Variants in FECH observed in about 807,000 individuals in gnomAD.
FECH encodes ferrochelatase, mitochondrial.
In FECH, 40 loss-of-function variants were observed where a neutral mutation model predicts 56.9. The ratio of observed to expected loss-of-function variants is 0.70; its 90% CI spans 0.55 to 0.92. The LOEUF (loss-of-function observed/expected upper bound fraction) is 0.92, where lower values mean the gene tolerates loss of function less well. FECH is among the 40% of genes least tolerant of loss of function. The pLI is 0.00. For missense variants in FECH, 431 were observed against 529.1 expected, an observed-to-expected ratio of 0.81 and a Z score of 1.82; for synonymous variants, 175 against 198.6, an observed-to-expected ratio of 0.88 and a Z score of 1.00.
chr18:57,555,771 C>T (rs2050859701), intron 7 of FECH, among the ~76,000 whole-genome samples: 2 of 152,176 alleles, frequency 1.3e-5, no homozygotes, highest in South Asian at 4.1e-4. Context: ...TTCCCATATC[C>T]TATGATATGG....
chr18:57,585,340 G>A (rs1267215328), intron 1 of FECH, among the ~76,000 whole-genome samples: 2 of 152,120 alleles, frequency 1.3e-5, no homozygotes, highest in South Asian at 2.1e-4. Flanking sequence ...TTCTGCTAGC[G>A]TTTCTGAATC....
Position 57,573,386 on chromosome 18 carries a change from C to T in FECH, c.195-21G>A, listed in dbSNP as rs112653625. ...GCTTCCTATATAAAATAAAATACAA[C>T]GGTTGATTTGTCACACTTCTTATTT... On this transcript the variant is annotated intron_variant, in intron 2 of 10. Transcript: ENST00000262093. The T allele has an allele frequency of 6.2e-4, 997 of 1,613,568 alleles. 8 individuals are homozygous for T. In the African/African-American group the frequency reaches 9.5e-3, roughly 15 times the overall value.
At position 57,547,352 on chromosome 18, in the gene FECH, T is replaced by C. The variant is rs540008235; in HGVS notation, c.*3360A>G. Reference sequence around the variant, plus strand: ...TTCCCCACCCAAATCTCATTTCAAATTGTAATCCCCATAATCCCCACGTGT... The same window carrying C: ...TTCCCCACCCAAATCTCATTTCAAACTGTAATCCCCATAATCCCCACGTGT... On this transcript the variant is annotated 3_prime_UTR_variant, in exon 11 of 11. Transcript: ENST00000262093. Among the ~76,000 whole-genome samples, 1 of 152,266 alleles carries C rather than the reference T, an allele frequency of 6.6e-6. No individual in the cohort carries two copies. The highest frequency in any genetic ancestry group is 1.5e-5 in the Non-Finnish European group (1 of 68,016).
Position 57,586,698 on chromosome 18 carries a change from C to G in FECH, c.-78G>C, listed in dbSNP as rs1185139591. ...GGTGTCCGCCCAGCAGTGGCCGAGCCGGGTAGCGATCCCCACGCGCGTCCC... is the reference window on the plus strand; with the variant it reads ...GGTGTCCGCCCAGCAGTGGCCGAGCGGGGTAGCGATCCCCACGCGCGTCCC... On this transcript the variant is annotated 5_prime_UTR_variant, in exon 1 of 11. Transcript: ENST00000262093. 1.5e-6 allele frequency: 2 copies of G among 1,340,306 alleles called. No individual in the cohort carries two copies. The highest frequency in any genetic ancestry group is 2.0e-6 in the Non-Finnish European group (2 of 1,013,296). 83.0% of individuals were successfully genotyped at this position (1,340,306 alleles called of 1,614,324 possible).
chr18:57,559,026 G>T, intron 7 of FECH, 119 bp downstream of exon 7: 1 of 742,800 alleles, frequency 1.3e-6, no homozygotes, highest in Non-Finnish European at 2.4e-6. Flanking sequence ...TGAGATTTGA[G>T]AATTCATTCT....
chr18:57,563,236 G>A (rs565983232), intron 5 of FECH, among the ~76,000 whole-genome samples: 5 of 152,138 alleles, frequency 3.3e-5, no homozygotes, highest in Non-Finnish European at 7.3e-5. Context: ...CAAGATGGCC[G>A]TAAAGTTATG....
chr18:57,566,457 G>A lies in FECH; in HGVS notation c.588C>T (p.Cys196=). ...GAGAGATGCCCTTACCTGTGGTGGAGCAGCTGTACTGTGGATACTGTGTGA... is the reference window on the plus strand; with the variant it reads ...GAGAGATGCCCTTACCTGTGGTGGAACAGCTGTACTGTGGATACTGTGTGA... ...IAFTQYPQYS[C]STTGSSLNAI... Residue 196 remains cysteine (C), a synonymous_variant, in exon 5 of 11, where the codon TGC becomes TGT. Transcript: ENST00000262093. 1.2e-6 allele frequency: 2 copies of A among 1,614,188 alleles called. No individual in the cohort carries two copies. Among genetic ancestry groups the A allele is most frequent in the South Asian group, 2.2e-5 (2 of 91,084 alleles).
chr18:57,570,301 G>A (rs1321579833), intron 4 of FECH, among the ~76,000 whole-genome samples: 2 of 152,188 alleles, frequency 1.3e-5, no homozygotes, highest in Non-Finnish European at 2.9e-5. Context: ...TGGCATGCAC[G>A]GAGGAACTGC....
At chr18:57,551,887 C>CTTT (rs201249549) in intron 9 of FECH, among the ~76,000 whole-genome samples, 12 of 141,414 alleles carry the variant, frequency 8.5e-5, no homozygotes, top group African/African-American at 2.3e-4. Context: ...ATTCTTTTTT[C>CTTT]TTTTTTTTTT....
chr18:57,581,953 A>G (rs1388985780), intron 1 of FECH, among the ~76,000 whole-genome samples: 3 of 152,184 alleles, frequency 2.0e-5, no homozygotes, highest in Admixed American at 2.0e-4. Context: ...TCAAAGTGGA[A>G]GTGCAAAGAT....
chr18:57,569,937 G>A (rs562625420), intron 4 of FECH, among the ~76,000 whole-genome samples: 6 of 151,786 alleles, frequency 4.0e-5, no homozygotes, highest in Admixed American at 1.3e-4. Context: ...TGGCTCAAGC[G>A]ATCCTTCCAC....
At chr18:57,573,454 T>C (rs2051143605) in intron 2 of FECH, 89 bp from the exon 3 acceptor site, 1 of 1,465,986 alleles carries the variant, frequency 6.8e-7, no homozygotes. Flanking sequence ...AACTCTAATC[T>C]GTTCCATACA....
chr18:57,546,182 A>AG lies in FECH; in HGVS notation c.*4529dup, dbSNP rs1322794803. 1.1e-4 allele frequency among the ~76,000 whole-genome samples: 17 copies of AG among 152,168 alleles called. No individual in the cohort carries two copies. Among genetic ancestry groups the AG allele is most frequent in the African/African-American group, 4.1e-4 (17 of 41,434 alleles). Reference sequence around the variant, plus strand: ...GGGCCACCTTCAGGATTCTGGCAGAAGGGGTTTCAGGTGAGGTGAGAAGGT... The same window carrying AG: ...GGGCCACCTTCAGGATTCTGGCAGAAGGGGGTTTCAGGTGAGGTGAGAAGGT... On this transcript the variant is annotated 3_prime_UTR_variant, in exon 11 of 11. Transcript: ENST00000262093.
chr18:57,571,619 G>C (rs771026680), intron 3 of FECH, 79 bp from the exon 4 acceptor site: 1 of 1,604,658 alleles, frequency 6.2e-7, no homozygotes, highest in African/African-American at 1.4e-5. Flanking sequence ...CAATAAAAAA[G>C]AAAAAAAGCA....
intron 2 of FECH, among the ~76,000 whole-genome samples, chr18:57,576,779 G>A (rs1465168256): frequency 1.3e-5 from 2 of 152,196 alleles, no homozygotes; most frequent in African/African-American, 4.8e-5. Flanking sequence ...TGTTGTGCAT[G>A]ATGAATAGCG....
At chr18:57,557,242 T>C (rs2050880488) in intron 7 of FECH, among the ~76,000 whole-genome samples, 1 of 152,180 alleles carries the variant, frequency 6.6e-6, no homozygotes, top group South Asian at 2.1e-4. Flanking sequence ...TTTCTGTAAG[T>C]CTAAAAATTT....
At chr18:57,560,961 G>A (rs2050936783) in intron 6 of FECH, among the ~76,000 whole-genome samples, 1 of 152,098 alleles carries the variant, frequency 6.6e-6, no homozygotes, top group African/African-American at 2.4e-5. Context: ...GGTACCTAAA[G>A]TTAAGTTCCC....
In FECH at chr18:57,545,595, G is replaced by C. The variant is rs1347618715; in HGVS notation, c.*5117C>G. Among the ~76,000 whole-genome samples the C allele has an allele frequency of 6.6e-6, 1 of 152,140 alleles. No individual in the cohort carries two copies. The highest frequency in any genetic ancestry group is 1.5e-5 in the Non-Finnish European group (1 of 68,034). ...CACGGAGCGATGGTCTGGCTGAAGG[G>C]CACCACCTGCTATTGCTCATCATAT... is the stretch of plus-strand genomic sequence containing the variant. On this transcript the variant is annotated 3_prime_UTR_variant, in exon 11 of 11. Coordinates refer to ENST00000262093, the MANE Select transcript of FECH (RefSeq NM_000140.5).
rs898393521 is a variant in FECH at position 57,549,700 on chromosome 18, T to C, written c.*1012A>G. ...AAATACAATATTATGATAACAGTTATTGCATTAAAGTGGTTACTTTTCTGT... is the reference window on the plus strand; with the variant it reads ...AAATACAATATTATGATAACAGTTACTGCATTAAAGTGGTTACTTTTCTGT... On this transcript the variant is annotated 3_prime_UTR_variant, in exon 11 of 11. Coordinates refer to ENST00000262093, the MANE Select transcript of FECH (RefSeq NM_000140.5). 2 of 152,246 alleles carry C rather than the reference T, an allele frequency of 1.3e-5. No homozygotes were observed. The highest frequency in any genetic ancestry group is 2.1e-4 in the South Asian group (1 of 4,832). The allele number at this position is 152,246 out of a possible 1,614,324, so 9.4% of individuals were successfully genotyped here.
Sources: gnomAD v4.1 joint callset for allele counts (sites outside exome capture counted in the v4.1 genomes callset) on GRCh38, gnomAD v4.1.1 for gene constraint, MANE v1.5 for transcripts, NCBI Gene and HGNC (gene_info 2026-07-23, HGNC 2026-07-21) for gene names.